HECW1: variants seen among roughly 807,000 people sequenced by gnomAD.
The protein encoded by HECW1 is HECT, C2 and WW domain containing E3 ubiquitin protein ligase 1.
Under a neutral mutation model 182.3 loss-of-function variants are expected in HECW1, and 61 were observed. That is an observed-to-expected ratio of 0.33 (90% CI 0.27 to 0.41). The LOEUF (loss-of-function observed/expected upper bound fraction) is 0.41, where lower values mean the gene tolerates loss of function less well. Ranked by LOEUF, HECW1 falls within the 10% of genes least tolerant of loss-of-function variation. The probability of loss-of-function intolerance (pLI) is 1.00; values close to 1 mark genes in which losing one functional copy is unlikely to be tolerated. For synonymous variants in HECW1, 859 were observed against 832.6 expected (o/e 1.03, Z -0.55); for missense variants, 1,739 against 2,108.9 (o/e 0.82, Z 3.44).
intron 5 of HECW1, among the ~76,000 whole-genome samples, chr7:43,358,582 T>A (rs547685415): frequency 6.6e-6 from 1 of 152,248 alleles, no homozygotes; most frequent in East Asian, 1.9e-4. Context: ...TTAAATGGCT[T>A]CAAAAAAATT....
At chr7:43,461,255 G>A (rs934530639) in intron 13 of HECW1, among the ~76,000 whole-genome samples, 1 of 152,208 alleles carries the variant, frequency 6.6e-6, no homozygotes, top group African/African-American at 2.4e-5. Flanking sequence ...GCTGGCTGTG[G>A]GCTGGGCCTC....
rs766605415 is a variant in HECW1 at position 43,311,963 on chromosome 7, C to G, written c.228C>G (p.Asp76Glu). ...GCGACACTGACCTGGTCACCTCGGACAGCCGCTCCACGCTCATGGTCAGCA... is the reference window on the plus strand; with the variant it reads ...GCGACACTGACCTGGTCACCTCGGAGAGCCGCTCCACGCTCATGGTCAGCA... ...STSDTDLVTS[D>E]SRSTLMVSSS... The change falls in exon 4 of 30, where the codon GAC becomes GAG. Residue 76 changes from aspartate (D) to glutamate (E), a missense_variant. Physicochemically the swap from Asp to Glu is conservative, Grantham distance 45. Around this residue, in one of 5 missense-constraint regions of HECW1, gnomAD observed 279 missense variants for 353.1 expected, o/e 0.79. Coordinates refer to ENST00000395891, the MANE Select transcript of HECW1 (RefSeq NM_015052.5). 6.2e-7 allele frequency: 1 copy of G among 1,614,238 alleles called. No homozygotes were observed. The highest frequency in any genetic ancestry group is 8.5e-7 in the Non-Finnish European group (1 of 1,180,042).
At chr7:43,240,303 A>G (rs1798766680) in intron 2 of HECW1, among the ~76,000 whole-genome samples, 1 of 152,018 alleles carries the variant, frequency 6.6e-6, no homozygotes, top group African/African-American at 2.4e-5. Context: ...TGGCCACTAC[A>G]CTCCAGCCTA....
At chr7:43,167,008 A>T (rs993197354) in intron 2 of HECW1, among the ~76,000 whole-genome samples, 2 of 152,230 alleles carry the variant, frequency 1.3e-5, no homozygotes, top group Admixed American at 6.5e-5. Context: ...GCATGACCAG[A>T]GTGGGATGTT....
intron 2 of HECW1, among the ~76,000 whole-genome samples, chr7:43,165,976 G>A (rs1791071035): frequency 6.6e-6 from 1 of 152,202 alleles, no homozygotes; most frequent in Non-Finnish European, 1.5e-5. Context: ...CAGTGTCTAT[G>A]AGCTCCTGCC....
At chr7:43,493,361 T>A (rs1243355525) in intron 19 of HECW1, among the ~76,000 whole-genome samples, 181 bp downstream of exon 19, 1 of 152,086 alleles carries the variant, frequency 6.6e-6, no homozygotes, top group African/African-American at 2.4e-5. Flanking sequence ...AATGGCATAA[T>A]CAGAGATGGT....
At position 43,376,133 on chromosome 7, in the gene HECW1, C is replaced by T. The variant is rs1449475256; in HGVS notation, c.555+15153C>T. On this transcript the variant is annotated intron_variant, in intron 6 of 29. Coordinates refer to ENST00000395891, the MANE Select transcript of HECW1 (RefSeq NM_015052.5). Reference sequence around the variant, plus strand: ...AAACCAAACATATACTCACCTATTACAATACTTAACCATGAAACACTAGAG... The same window carrying T: ...AAACCAAACATATACTCACCTATTATAATACTTAACCATGAAACACTAGAG... Among the ~76,000 whole-genome samples the T allele has an allele frequency of 2.6e-5, 4 of 151,770 alleles. 1 individual carries two copies. Among genetic ancestry groups the T allele is most frequent in the Non-Finnish European group, 5.9e-5 (4 of 67,984 alleles).
intron 2 of HECW1, among the ~76,000 whole-genome samples, chr7:43,194,838 C>T (rs1794284044): frequency 6.6e-6 from 1 of 152,000 alleles, no homozygotes; most frequent in Admixed American, 6.6e-5. Flanking sequence ...GGATTACAGG[C>T]GCCTGCCCCC....
At chr7:43,408,092 G>A (rs1431603948) in intron 8 of HECW1, among the ~76,000 whole-genome samples, 1 of 152,148 alleles carries the variant, frequency 6.6e-6, no homozygotes, top group Non-Finnish European at 1.5e-5. Context: ...TGTGATCCTT[G>A]AGCAAGGGTG....
intron 24 of HECW1, among the ~76,000 whole-genome samples, chr7:43,510,536 G>A (rs2079812748): frequency 6.6e-6 from 1 of 152,158 alleles, no homozygotes. Context: ...CTAGTGTGAG[G>A]AACACATGAG....
At chr7:43,462,493 GA>G (rs912745107) in intron 13 of HECW1, among the ~76,000 whole-genome samples, 45 of 147,620 alleles carry the variant, frequency 3.0e-4, no homozygotes, top group South Asian at 4.3e-4. Context: ...GCACATTCTG[GA>G]AAAAAAAAAG....
chr7:43,505,323 T>A (rs74404930), intron 21 of HECW1, among the ~76,000 whole-genome samples: 2 of 152,114 alleles, frequency 1.3e-5, no homozygotes, highest in South Asian at 4.1e-4. Context: ...TAAATACATC[T>A]CCTCTCTGCC....
At chr7:43,442,973 A>T (rs189156603) in intron 10 of HECW1, among the ~76,000 whole-genome samples, 1 of 152,372 alleles carries the variant, frequency 6.6e-6, no homozygotes, top group Admixed American at 6.5e-5. Flanking sequence ...GAATGAATGA[A>T]CGTGAAACAT....
At chr7:43,422,996 C>T (rs909723606) in intron 8 of HECW1, among the ~76,000 whole-genome samples, 11 of 152,130 alleles carry the variant, frequency 7.2e-5, no homozygotes, top group Admixed American at 5.9e-4. Context: ...AGCCCCAAGG[C>T]GTTGTAAACA....
intron 14 of HECW1, among the ~76,000 whole-genome samples, 199 bp downstream of exon 14, chr7:43,463,998 G>A (rs551754116): frequency 1.8e-4 from 28 of 152,308 alleles, no homozygotes; most frequent in Non-Finnish European, 3.5e-4. Flanking sequence ...GGAAACTTAG[G>A]AGAAGTGATC....
At chr7:43,323,667 A>G (rs1810413342) in intron 5 of HECW1, among the ~76,000 whole-genome samples, 1 of 152,216 alleles carries the variant, frequency 6.6e-6, no homozygotes, top group Non-Finnish European at 1.5e-5. Context: ...TCTTTATAAT[A>G]CATAAACATT....
chr7:43,357,481 A>G (rs1028996215), intron 5 of HECW1, among the ~76,000 whole-genome samples: 2 of 152,218 alleles, frequency 1.3e-5, no homozygotes, highest in African/African-American at 4.8e-5. Context: ...TAAATATTGC[A>G]TGTTTTCATT....
intron 7 of HECW1, among the ~76,000 whole-genome samples, chr7:43,407,173 G>A (rs2075639202): frequency 6.6e-6 from 1 of 152,084 alleles, no homozygotes; most frequent in Non-Finnish European, 1.5e-5. Flanking sequence ...GTGGAGGCCA[G>A]GTCTTGTTTG....
intron 5 of HECW1, among the ~76,000 whole-genome samples, chr7:43,335,717 CT>C (rs1190936977): frequency 3.3e-5 from 5 of 150,842 alleles, no homozygotes; most frequent in African/African-American, 1.2e-4. Flanking sequence ...CCTTTCCTTC[CT>C]TTTTTATCTC....
Sources: allele counts gnomAD v4.1 joint callset (sites outside exome capture counted in the v4.1 genomes callset), GRCh38; gene constraint gnomAD v4.1.1; regional missense constraint gnomAD v4.1.1; transcripts MANE v1.5; gene names NCBI Gene and HGNC (gene_info 2026-07-23, HGNC 2026-07-21).